CAMK2B: variants seen among roughly 807,000 people sequenced by gnomAD.
The protein encoded by CAMK2B is calcium/calmodulin dependent protein kinase II beta.
A neutral mutation model predicts 93.7 loss-of-function variants in CAMK2B; 27 were observed. That is an observed-to-expected ratio of 0.29 (90% confidence interval 0.21 to 0.40). CAMK2B has a LOEUF of 0.40. CAMK2B is among the 10% of genes least tolerant of loss of function. The probability of loss-of-function intolerance (pLI) is 1.00; values close to 1 mark genes in which losing one functional copy is unlikely to be tolerated. For synonymous variants in CAMK2B, 374 were observed against 358.8 expected, an observed-to-expected ratio of 1.04 and a Z score of -0.48; for missense variants, 568 against 895.8, an observed-to-expected ratio of 0.63 and a Z score of 4.67.
chr7:44,283,472 G>C (rs1030833163), intron 2 of CAMK2B, among the ~76,000 whole-genome samples: 7 of 152,228 alleles, frequency 4.6e-5, no homozygotes, highest in Non-Finnish European at 8.8e-5. Context: ...AGGGCCACTT[G>C]GGGCCAGCAC....
At chr7:44,223,593 G>A (rs1039657199) in intron 20 of CAMK2B, among the ~76,000 whole-genome samples, 21 of 136,846 alleles carry the variant, frequency 1.5e-4, no homozygotes, top group Non-Finnish European at 2.2e-4. Context: ...CTTGAGGCCC[G>A]CCCCCGCCCC....
chr7:44,284,341 G>T, intron 1 of CAMK2B, 116 bp from the exon 2 acceptor site: 1 of 744,068 alleles, frequency 1.3e-6, no homozygotes, highest in Non-Finnish European at 2.2e-6. Flanking sequence ...CACCGGCCCG[G>T]CCTCGGGCAG....
intron 5 of CAMK2B, among the ~76,000 whole-genome samples, chr7:44,249,551 T>A (rs1272195405): frequency 6.6e-6 from 1 of 152,148 alleles, no homozygotes; most frequent in Non-Finnish European, 1.5e-5. Context: ...CCTGTCCAAC[T>A]GTGTGCACTT....
At chr7:44,243,195 G>T in intron 8 of CAMK2B, 55 bp downstream of exon 8, 1 of 1,321,338 alleles carries the variant, frequency 7.6e-7, no homozygotes, top group Non-Finnish European at 1.1e-6. Flanking sequence ...GATGTAGGTG[G>T]GAAGTCCTGA....
chr7:44,321,973 A>G (rs1466510638), intron 1 of CAMK2B, among the ~76,000 whole-genome samples: 1 of 152,208 alleles, frequency 6.6e-6, no homozygotes, highest in Non-Finnish European at 1.5e-5. Flanking sequence ...CGGCAGCCCC[A>G]CTGCCAGGGA....
chr7:44,242,553 C>A lies in CAMK2B; in HGVS notation c.696+7G>T, dbSNP rs772096842. 5 of 1,600,366 alleles carry A rather than the reference C, an allele frequency of 3.1e-6. No individual in the cohort carries two copies. Among genetic ancestry groups the A allele is most frequent in the Non-Finnish European group, 4.3e-6 (5 of 1,171,398 alleles). ...GGAGCTCATCAGAGAGGGGCTGGTG[C>A]ACTCACGTCATAGGCACCAGCCTTG... On this transcript the variant is annotated splice_region_variant and intron_variant, in intron 9 of 23. Transcript: ENST00000395749.
chr7:44,253,711 T>A (rs892322029), intron 5 of CAMK2B, among the ~76,000 whole-genome samples: 1 of 152,176 alleles, frequency 6.6e-6, no homozygotes, highest in Non-Finnish European at 1.5e-5. Context: ...CATCCTCCCA[T>A]CTCAGCTTCC....
At chr7:44,252,425 A>C (rs1424236810) in intron 5 of CAMK2B, among the ~76,000 whole-genome samples, 3 of 151,398 alleles carry the variant, frequency 2.0e-5, no homozygotes, top group African/African-American at 7.3e-5. Context: ...ATCAATAAGG[A>C]GGCAGAGGGA....
rs2096701433 is a variant in CAMK2B, at chr7:44,243,449, G to C, written c.493C>G (p.Gln165Glu). 4 of 1,613,996 alleles carry C rather than the reference G, an allele frequency of 2.5e-6. No homozygotes were observed. The highest frequency in any genetic ancestry group is 3.4e-6 in the Non-Finnish European group (4 of 1,179,974). Residue 165 changes from glutamine (Q) to glutamate (E), a missense_variant, in exon 7 of 24, where the codon CAG becomes GAG. This residue lies in a region of CAMK2B where 105 missense variants were observed against 372.4 expected (regional missense o/e 0.28). Coordinates refer to ENST00000395749, the MANE Select transcript of CAMK2B (RefSeq NM_001220.5). ...CCAAACCATGCCTGCTGGTCCCCCT[G>C]CACCTCGATAGCTAGGCCGAAGTCT... is the stretch of plus-strand genomic sequence containing the variant. ...LADFGLAIEV[Q>E]GDQQAWFGFA...
intron 6 of CAMK2B, among the ~76,000 whole-genome samples, chr7:44,244,059 G>A (rs973060119): frequency 1.1e-4 from 16 of 152,142 alleles, no homozygotes; most frequent in African/African-American, 3.9e-4. Flanking sequence ...CTGAGATGGT[G>A]ACCCCCAAAG....
At chr7:44,321,077 C>G (rs1009696736) in intron 1 of CAMK2B, among the ~76,000 whole-genome samples, 7 of 152,172 alleles carry the variant, frequency 4.6e-5, no homozygotes, top group Non-Finnish European at 7.4e-5. Context: ...CCAAGGCCCC[C>G]GAGGCAGGGA....
intron 1 of CAMK2B, chr7:44,325,042 T>A (rs538866136): frequency 6.6e-6 from 1 of 151,076 alleles, no homozygotes; most frequent in Non-Finnish European, 1.5e-5. Flanking sequence ...CGCCGCCAAA[T>A]GCGTCACGTC....
At chr7:44,321,308 G>C (rs759563599) in intron 1 of CAMK2B, among the ~76,000 whole-genome samples, 1 of 152,188 alleles carries the variant, frequency 6.6e-6, no homozygotes, top group Non-Finnish European at 1.5e-5. Context: ...CCCCGCGAGC[G>C]GTCAGGCCAC....
Position 44,296,418 on chromosome 7 carries a change from C to A in CAMK2B, c.66-12193G>T, listed in dbSNP as rs948292243. On this transcript the variant is annotated intron_variant, in intron 1 of 23. Transcript: ENST00000395749. ...CAAAGACAAAAAAGAATGAAAAAGACAAAACAAAATAATCCAAGAACTATA... is the reference window on the plus strand; with the variant it reads ...CAAAGACAAAAAAGAATGAAAAAGAAAAAACAAAATAATCCAAGAACTATA... Among the ~76,000 whole-genome samples the A allele has an allele frequency of 7.3e-5, 11 of 151,722 alleles. No homozygotes were observed. The South Asian group carries it at 1.2e-3, about 17-fold the overall frequency.
chr7:44,286,634 A>T lies in CAMK2B; in HGVS notation c.66-2409T>A, dbSNP rs35945525. 0.33 allele frequency among the ~76,000 whole-genome samples: 50,152 copies of T among 152,156 alleles called. 9,273 individuals carry two copies. The highest frequency in any genetic ancestry group is 0.42 in the Middle Eastern group (124 of 292). On this transcript the variant is annotated intron_variant, in intron 1 of 23. Coordinates refer to ENST00000395749, the MANE Select transcript of CAMK2B (RefSeq NM_001220.5). The surrounding 1 kb of genome is among the most constrained non-coding windows in gnomAD (Gnocchi z 4.0). ...AAGAGCCTGACCGCAGGTGGGTGGG[A>T]CAAGGGCTTCCTCCAGTTGATCCCT...
At chr7:44,291,906 T>C (rs6968826) in intron 1 of CAMK2B, among the ~76,000 whole-genome samples, 44,924 of 152,190 alleles carry the variant, frequency 0.3, 8,207 homozygotes, top group Non-Finnish European at 0.41. Context: ...AGCTCTTTCC[T>C]GCTTTGGCCC....
intron 1 of CAMK2B, among the ~76,000 whole-genome samples, chr7:44,298,049 G>A (rs10236895): frequency 0.28 from 42,578 of 152,074 alleles, 7,150 homozygotes; most frequent in Non-Finnish European, 0.38. Context: ...ACTTGAACCC[G>A]GAAGGTGGAG....
chr7:44,285,664 C>CA (rs61511773), intron 1 of CAMK2B, among the ~76,000 whole-genome samples: 11,111 of 151,934 alleles, frequency 0.073, 807 homozygotes, highest in East Asian at 0.35. Context: ...TCTAATTGAA[C>CA]ATTTTCTTAA....
At chr7:44,250,524 T>C (rs1414572781) in intron 5 of CAMK2B, among the ~76,000 whole-genome samples, 3 of 148,822 alleles carry the variant, frequency 2.0e-5, no homozygotes, top group Non-Finnish European at 3.0e-5. Flanking sequence ...AGTAGTGACA[T>C]TGCTTTTTTT....
Sources: gnomAD v4.1 joint callset for allele counts (sites outside exome capture counted in the v4.1 genomes callset) on GRCh38, gnomAD v4.1.1 for gene constraint, gnomAD v4.1.1 regional missense constraint, Gnocchi (gnomAD v3.1) non-coding constraint, MANE v1.5 for transcripts, NCBI Gene and HGNC (gene_info 2026-07-23, HGNC 2026-07-21) for gene names.